The following ATP13A3 variants were observed in gnomAD, a reference collection of about 807,000 sequenced individuals.
ATP13A3 encodes polyamine-transporting ATPase 13A3.
Under a neutral mutation model 158.1 loss-of-function variants are expected in ATP13A3, and 59 were observed. The observed-to-expected ratio is 0.37, with a 90% CI of 0.30 to 0.46. ATP13A3 has a LOEUF of 0.46. Ranked by LOEUF, ATP13A3 falls within the 20% of genes least tolerant of loss-of-function variation. The probability of loss-of-function intolerance (pLI) is 1.00; values close to 1 mark genes in which losing one functional copy is unlikely to be tolerated. For synonymous variants in ATP13A3, 491 were observed against 504.3 expected (o/e 0.97, Z 0.35); for missense variants, 1,166 against 1,525.2 (o/e 0.76, Z 3.92).
intron 31 of ATP13A3, among the ~76,000 whole-genome samples, chr3:194,415,678 T>C (rs944765493): frequency 6.9e-6 from 1 of 144,378 alleles, no homozygotes; most frequent in African/African-American, 2.6e-5. Flanking sequence ...TTTTTTTTTT[T>C]TTTTTTTTTG....
Position 194,409,693 on chromosome 3 carries a change from A to ATTTTTTTTTTTTTTTTTT in ATP13A3, c.3573+2488_3573+2505dup, listed in dbSNP as rs71179358. On this transcript the variant is annotated intron_variant, in intron 33 of 33. Transcript: ENST00000645319. Reference sequence around the variant, plus strand: ...TGCTTGATAATCACTGACGTAAAGAATTTTTTTTTTTTTTTTTTTTTTTTT... The same window carrying ATTTTTTTTTTTTTTTTTT: ...TGCTTGATAATCACTGACGTAAAGAATTTTTTTTTTTTTTTTTTTTTTTTTTTTTTTTTTTTTTTTTTT... 3.2e-3 allele frequency among the ~76,000 whole-genome samples: 305 copies of ATTTTTTTTTTTTTTTTTT among 93,990 alleles called. 31 individuals are homozygous for ATTTTTTTTTTTTTTTTTT. The highest frequency in any genetic ancestry group is 0.013 in the Middle Eastern group (2 of 156). 61.7% of individuals were successfully genotyped at this position (93,990 alleles called of 152,430 possible).
intron 31 of ATP13A3, among the ~76,000 whole-genome samples, chr3:194,418,964 A>C (rs1716092614): frequency 6.6e-6 from 1 of 152,112 alleles, no homozygotes; most frequent in Non-Finnish European, 1.5e-5. Context: ...CCTGGGATAA[A>C]CCACTCCTAC....
At chr3:194,426,503 A>G (rs1014584216) in intron 29 of ATP13A3, among the ~76,000 whole-genome samples, 2 of 152,212 alleles carry the variant, frequency 1.3e-5, no homozygotes, top group African/African-American at 2.4e-5. Flanking sequence ...TGGGTTTAGA[A>G]GAGGCCCCAG....
chr3:194,461,474 C>T lies in ATP13A3; in HGVS notation c.52-643G>A, dbSNP rs183820024. Among the ~76,000 whole-genome samples, 8 of 152,218 alleles carry T rather than the reference C, an allele frequency of 5.3e-5. No individual in the cohort carries two copies. In the East Asian group the frequency reaches 1.3e-3, roughly 26 times the overall value. On this transcript the variant is annotated intron_variant, in intron 3 of 33. Coordinates refer to ENST00000645319, the MANE Select transcript of ATP13A3 (RefSeq NM_001367549.1). Reference sequence around the variant, plus strand: ...ACGAATAGATTTTAATCTACTATTTCCCAAATGATTTACTAATTGTCCCAA... The same window carrying T: ...ACGAATAGATTTTAATCTACTATTTTCCAAATGATTTACTAATTGTCCCAA...
At chr3:194,424,364 A>G (rs1173696358) in intron 30 of ATP13A3, 2 of 152,112 alleles carry the variant, frequency 1.3e-5, no homozygotes, top group Non-Finnish European at 2.9e-5. Flanking sequence ...GGGCAAAAAA[A>G]AGGAAAAATT....
chr3:194,435,312 CCA>C (rs1717544585), intron 20 of ATP13A3, among the ~76,000 whole-genome samples: 1 of 152,208 alleles, frequency 6.6e-6, no homozygotes, highest in Non-Finnish European at 1.5e-5. Context: ...CCTTCAGGCC[CCA>C]GTTTCTGGCT....
chr3:194,482,509 C>G (rs2109067278), intron 2 of ATP13A3, among the ~76,000 whole-genome samples: 1 of 152,258 alleles, frequency 6.6e-6, no homozygotes, highest in South Asian at 2.1e-4. Flanking sequence ...TTAATTTGAG[C>G]CCAGAACTTT....
At chr3:194,417,396 G>C (rs867819214) in intron 31 of ATP13A3, among the ~76,000 whole-genome samples, 4 of 118,138 alleles carry the variant, frequency 3.4e-5, no homozygotes, top group African/African-American at 6.5e-5. Context: ...GCCAGATTCT[G>C]ACACACACAC....
rs528721525 is a variant in ATP13A3, at chr3:194,454,543, G to A, written c.631-151C>T. On this transcript the variant is annotated intron_variant, in intron 8 of 33. Transcript: ENST00000645319. Reference sequence around the variant, plus strand: ...CAAAATGTACTTCCCTAAAAAGTAGGGCAGGCTGGGCGCGGTGGCTCACGC... The same window carrying A: ...CAAAATGTACTTCCCTAAAAAGTAGAGCAGGCTGGGCGCGGTGGCTCACGC... 233 of 906,256 alleles carry A rather than the reference G, an allele frequency of 2.6e-4. 3 individuals are homozygous for A. The highest frequency in any genetic ancestry group is 2.2e-3 in the South Asian group (129 of 59,496). The allele number at this position is 906,256 out of a possible 1,614,324, so 56.1% of individuals were successfully genotyped here. A position where few individuals can be genotyped will look rare whatever the true frequency, so the allele number is the denominator to read the frequency against.
intron 23 of ATP13A3, 24 bp downstream of exon 23, chr3:194,431,080 C>T (rs1191908803): frequency 1.9e-5 from 31 of 1,613,232 alleles, no homozygotes; most frequent in Non-Finnish European, 2.6e-5. Flanking sequence ...CATGTGAGCA[C>T]ACACATACAC....
intron 2 of ATP13A3, among the ~76,000 whole-genome samples, chr3:194,469,633 G>A (rs1242864267): frequency 6.6e-6 from 1 of 152,042 alleles, no homozygotes; most frequent in East Asian, 1.9e-4. Flanking sequence ...GAATTATCCC[G>A]CTTTGTTTTG....
chr3:194,419,625 C>T (rs75476618), intron 31 of ATP13A3, among the ~76,000 whole-genome samples: 70 of 152,134 alleles, frequency 4.6e-4, no homozygotes, highest in East Asian at 2.7e-3. Context: ...CCAGGATCAA[C>T]GTTTTTTTAT....
chr3:194,481,367 A>G (rs1215115058), intron 2 of ATP13A3, among the ~76,000 whole-genome samples: 1 of 151,956 alleles, frequency 6.6e-6, no homozygotes, highest in African/African-American at 2.4e-5. Flanking sequence ...GCAACCCTTA[A>G]AAGTTGGCTC....
intron 20 of ATP13A3, 60 bp from the exon 21 acceptor site, chr3:194,433,956 A>C: frequency 6.7e-7 from 1 of 1,503,370 alleles, no homozygotes; most frequent in Non-Finnish European, 9.1e-7. Flanking sequence ...CAACTTATGT[A>C]CACAAACTTG....
At chr3:194,472,560 G>GA (rs1720353028) in intron 2 of ATP13A3, among the ~76,000 whole-genome samples, 1 of 152,334 alleles carries the variant, frequency 6.6e-6, no homozygotes, top group East Asian at 1.9e-4. Flanking sequence ...GCAGTTATCT[G>GA]AAGTGATCAA....
intron 2 of ATP13A3, among the ~76,000 whole-genome samples, chr3:194,463,971 C>A (rs972359973): frequency 2.6e-5 from 4 of 152,134 alleles, no homozygotes; most frequent in Non-Finnish European, 5.9e-5. Flanking sequence ...ACCAGCCTGG[C>A]CAACATGGTG....
At chr3:194,427,050 T>C in intron 29 of ATP13A3, 25 bp downstream of exon 29, 1 of 1,592,480 alleles carries the variant, frequency 6.3e-7, no homozygotes, top group South Asian at 1.1e-5. Flanking sequence ...TTTATATAGA[T>C]TTTTACATAG....
intron 6 of ATP13A3, 70 bp downstream of exon 6, chr3:194,459,401 T>A (rs1304252800): frequency 6.8e-6 from 7 of 1,034,740 alleles, no homozygotes; most frequent in African/African-American, 1.6e-5. Context: ...AATACTAGAA[T>A]GGACTCTTTT....
chr3:194,410,185 C>A (rs545361092), intron 33 of ATP13A3, among the ~76,000 whole-genome samples: 33 of 148,936 alleles, frequency 2.2e-4, no homozygotes, highest in Non-Finnish European at 3.9e-4. Context: ...GCAGGCCAAG[C>A]GTGGTGGCTC....
Sources: gnomAD v4.1 joint callset for allele counts (sites outside exome capture counted in the v4.1 genomes callset) on GRCh38, gnomAD v4.1.1 for gene constraint, MANE v1.5 for transcripts, NCBI Gene and HGNC (gene_info 2026-07-23, HGNC 2026-07-21) for gene names.